Variants in SH3PXD2B observed in about 807,000 individuals in gnomAD.
SH3PXD2B encodes SH3 and PX domains 2B, also known as SH3 and PX domain-containing protein 2B.
In SH3PXD2B, 37 loss-of-function variants were observed where a neutral mutation model predicts 73.1. That is an observed-to-expected ratio of 0.51 (90% CI 0.39 to 0.67). The LOEUF (loss-of-function observed/expected upper bound fraction) is 0.67, where lower values mean the gene tolerates loss of function less well. Among genes scored for constraint, SH3PXD2B ranks in the 30% least tolerant of loss-of-function variants. SH3PXD2B has a pLI of 0.00. For synonymous variants in SH3PXD2B, 457 were observed against 480.5 expected (o/e 0.95, Z 0.64); for missense variants, 1,053 against 1,197.8 (o/e 0.88, Z 1.78).
chr5:172,414,653 A>G (rs943694057), intron 2 of SH3PXD2B, among the ~76,000 whole-genome samples: 2 of 152,136 alleles, frequency 1.3e-5, no homozygotes, highest in Non-Finnish European at 2.9e-5. Context: ...GCCTAGCAGC[A>G]ACGCTCTGGC....
At position 172,338,326 on chromosome 5, in the gene SH3PXD2B, G is replaced by A. The variant is rs1480916977; in HGVS notation, c.*43C>T. The A allele has an allele frequency of 1.2e-6, 2 of 1,613,358 alleles. No individual in the cohort carries two copies. Among genetic ancestry groups the A allele is most frequent in the East Asian group, 2.2e-5 (1 of 44,870 alleles). ...GAGGCGTATTAAATACGTGGGTAAAGCCAGCAAGGACCAGCGGGCCCTCTA... is the reference window on the plus strand; with the variant it reads ...GAGGCGTATTAAATACGTGGGTAAAACCAGCAAGGACCAGCGGGCCCTCTA... On this transcript the variant is annotated 3_prime_UTR_variant, in exon 13 of 13. Coordinates refer to ENST00000311601, the MANE Select transcript of SH3PXD2B (RefSeq NM_001017995.3). The surrounding 1 kb of genome is among the most constrained non-coding windows in gnomAD (Gnocchi z 5.1).
chr5:172,332,521 C>T (rs944984072), downstream of SH3PXD2B, among the ~76,000 whole-genome samples: 1 of 151,886 alleles, frequency 6.6e-6, no homozygotes, highest in African/African-American at 2.4e-5. Flanking sequence ...GCCTTGGCCT[C>T]CCAAAGTGCT....
intron 7 of SH3PXD2B, among the ~76,000 whole-genome samples, chr5:172,362,323 A>G (rs2113321208): frequency 6.6e-6 from 1 of 152,228 alleles, no homozygotes. Flanking sequence ...GGTCCCTGTG[A>G]TGGGCAGGTA....
intron 6 of SH3PXD2B, among the ~76,000 whole-genome samples, chr5:172,371,112 A>AG (rs1473327547): frequency 6.6e-6 from 1 of 152,214 alleles, no homozygotes; most frequent in Middle Eastern, 3.2e-3. Flanking sequence ...TATCTACCAC[A>AG]GAAGTTTTCT....
intron 5 of SH3PXD2B, among the ~76,000 whole-genome samples, chr5:172,379,429 T>C (rs1278782007): frequency 6.6e-6 from 1 of 151,574 alleles, no homozygotes; most frequent in East Asian, 1.9e-4. Flanking sequence ...GGCACTGAAA[T>C]AGCTGGCACC....
chr5:172,391,037 C>A (rs1051970510), intron 4 of SH3PXD2B, among the ~76,000 whole-genome samples: 2 of 152,106 alleles, frequency 1.3e-5, no homozygotes, highest in African/African-American at 4.8e-5. Context: ...GATGGGGTTT[C>A]TCCATTTTGG....
intron 5 of SH3PXD2B, among the ~76,000 whole-genome samples, chr5:172,379,954 C>T (rs553969034): frequency 3.9e-5 from 6 of 152,210 alleles, no homozygotes; most frequent in Non-Finnish European, 5.9e-5. Flanking sequence ...AATTCACCTT[C>T]ACCTCTTCCA....
chr5:172,415,847 G>T (rs993711590), intron 2 of SH3PXD2B, among the ~76,000 whole-genome samples: 2 of 152,204 alleles, frequency 1.3e-5, no homozygotes, highest in African/African-American at 4.8e-5. Context: ...CCGCACAGCT[G>T]GTAAGACAGA....
At chr5:172,452,448 C>T (rs1759817011) in intron 1 of SH3PXD2B, among the ~76,000 whole-genome samples, 2 of 152,138 alleles carry the variant, frequency 1.3e-5, no homozygotes, top group African/African-American at 2.4e-5. Flanking sequence ...ATAGGGGTAC[C>T]GGATGTGGGA....
At chr5:172,374,302 G>C (rs992609197) in intron 5 of SH3PXD2B, among the ~76,000 whole-genome samples, 1 of 152,170 alleles carries the variant, frequency 6.6e-6, no homozygotes, top group East Asian at 1.9e-4. Flanking sequence ...CAAGTGGTGA[G>C]AGGGGACACT....
chr5:172,337,745 T>C lies in SH3PXD2B; in HGVS notation c.*624A>G, dbSNP rs7725797. 0.014 allele frequency: 14,214 copies of C among 993,486 alleles called. 849 individuals carry two copies. In the African/African-American group the frequency reaches 0.16, roughly 11 times the overall value. The allele number at this position is 993,486 out of a possible 1,614,324, so 61.5% of individuals were successfully genotyped here. On this transcript the variant is annotated 3_prime_UTR_variant, in exon 13 of 13. Coordinates refer to ENST00000311601, the MANE Select transcript of SH3PXD2B (RefSeq NM_001017995.3). ...GTGGGAGGCAGGGCGGCTGAGCGGATCTCCAGGCCCACTCCTGGGGGAGCC... is the reference window on the plus strand; with the variant it reads ...GTGGGAGGCAGGGCGGCTGAGCGGACCTCCAGGCCCACTCCTGGGGGAGCC...
At chr5:172,416,666 T>C (rs1044845740) in intron 2 of SH3PXD2B, among the ~76,000 whole-genome samples, 3 of 138,986 alleles carry the variant, frequency 2.2e-5, no homozygotes, top group South Asian at 2.4e-4. Flanking sequence ...GACCTTTTCA[T>C]AGAGACTGTG....
intron 4 of SH3PXD2B, among the ~76,000 whole-genome samples, chr5:172,386,072 A>T (rs780361349): frequency 1.6e-4 from 25 of 152,274 alleles, no homozygotes; most frequent in Non-Finnish European, 2.8e-4. Context: ...CTGCTTGCAG[A>T]GGGTAACAAT....
At chr5:172,411,269 C>A (rs140438814) in intron 2 of SH3PXD2B, among the ~76,000 whole-genome samples, 6 of 152,042 alleles carry the variant, frequency 3.9e-5, no homozygotes, top group African/African-American at 1.5e-4. Context: ...TTCCAATCTC[C>A]GGGTTCCTTT....
intron 3 of SH3PXD2B, among the ~76,000 whole-genome samples, chr5:172,395,648 TG>T (rs1489742423): frequency 6.6e-6 from 1 of 152,142 alleles, no homozygotes; most frequent in Non-Finnish European, 1.5e-5. Context: ...TATCCTCTCT[TG>T]GGGAGATAGT....
chr5:172,358,680 G>T, intron 8 of SH3PXD2B, 93 bp downstream of exon 8: 1 of 1,161,112 alleles, frequency 8.6e-7, no homozygotes, highest in Non-Finnish European at 1.3e-6. Context: ...AGAGGCAGAG[G>T]CCAAAAGAAG....
In SH3PXD2B at chr5:172,354,020, G is replaced by A. The variant is rs749198082; in HGVS notation, c.668-15C>T. On this transcript the variant is annotated splice_polypyrimidine_tract_variant and intron_variant, in intron 8 of 12. Transcript: ENST00000311601. ...GTACTTCTCCTCTGTGGGGACAAAA[G>A]GAAGCTGGGGTCAGAAGAGGACACC... 8.1e-6 allele frequency: 13 copies of A among 1,611,206 alleles called. No homozygotes were observed. The highest frequency in any genetic ancestry group is 9.3e-6 in the Non-Finnish European group (11 of 1,177,466).
At chr5:172,391,248 A>G (rs6556015) in intron 4 of SH3PXD2B, among the ~76,000 whole-genome samples, 57,442 of 151,948 alleles carry the variant, frequency 0.38, 11,349 homozygotes, top group East Asian at 0.66. Context: ...TAAGTATCTC[A>G]TTATGGTTTT....
At position 172,369,243 on chromosome 5, in the gene SH3PXD2B, T is replaced by G. The variant is rs542424757; in HGVS notation, c.427+4547A>C. ...GTTTTGTTTTGTTTTGTTTGTTTTG[T>G]TTTTTTTTTAAATATTTTTTAAGAG... is the stretch of plus-strand genomic sequence containing the variant. On this transcript the variant is annotated intron_variant, in intron 6 of 12. Coordinates refer to ENST00000311601, the MANE Select transcript of SH3PXD2B (RefSeq NM_001017995.3). Among the ~76,000 whole-genome samples the G allele has an allele frequency of 6.5e-4, 84 of 129,060 alleles. 1 individual carries two copies. The South Asian group carries it at 0.023, about 36-fold the overall frequency. The allele number at this position is 129,060 out of a possible 152,430, so 84.7% of individuals were successfully genotyped here.
Sources: allele counts gnomAD v4.1 joint callset (sites outside exome capture counted in the v4.1 genomes callset), GRCh38; gene constraint gnomAD v4.1.1; non-coding constraint Gnocchi (gnomAD v3.1); transcripts MANE v1.5; gene names NCBI Gene and HGNC (gene_info 2026-07-23, HGNC 2026-07-21).